Variants in NPAS3 observed in about 807,000 individuals in gnomAD.
NPAS3 encodes neuronal PAS domain protein 3, also known as neuronal PAS domain-containing protein 3.
In NPAS3, 14 loss-of-function variants were observed where a neutral mutation model predicts 73.1. The observed-to-expected ratio is 0.19, with a 90% CI of 0.13 to 0.30. The LOEUF is 0.30. Among genes scored for constraint, NPAS3 ranks in the 10% least tolerant of loss-of-function variants. The probability of loss-of-function intolerance (pLI) is 1.00; values close to 1 mark genes in which losing one functional copy is unlikely to be tolerated. For synonymous variants in NPAS3, 620 were observed against 541.5 expected (o/e 1.14, Z -2.01); for missense variants, 1,096 against 1,250.0 (o/e 0.88, Z 1.86).
chr14:33,297,236 C>T (rs193239599), intron 3 of NPAS3, among the ~76,000 whole-genome samples: 23 of 152,240 alleles, frequency 1.5e-4, no homozygotes, highest in Admixed American at 9.2e-4. Context: ...GCCTCAGTTT[C>T]CTCATCTGTA....
At chr14:33,736,125 T>C (rs992429576) in intron 7 of NPAS3, among the ~76,000 whole-genome samples, 6 of 152,238 alleles carry the variant, frequency 3.9e-5, no homozygotes, top group South Asian at 2.1e-4. Context: ...GGAAATGGCA[T>C]GTGCCATCAA....
chr14:32,987,329 A>G (rs1235912832), intron 1 of NPAS3, among the ~76,000 whole-genome samples: 2 of 151,376 alleles, frequency 1.3e-5, no homozygotes, highest in African/African-American at 2.4e-5. Flanking sequence ...GGTTACAACT[A>G]CAAAAGATGT....
chr14:33,448,196 A>G (rs1566912586), intron 4 of NPAS3, among the ~76,000 whole-genome samples: 1 of 152,348 alleles, frequency 6.6e-6, no homozygotes, highest in East Asian at 1.9e-4. Context: ...GCTTAGAGAT[A>G]CAGATTTGAA....
exon 6 of NPAS3, chr14:33,676,327 T>C (rs2059764976): frequency 1.9e-6 from 3 of 1,609,136 alleles, no homozygotes; most frequent in Non-Finnish European, 2.5e-6. Flanking sequence ...CACAGGGCAC[T>C]GCTGAGGACG....
At chr14:33,531,789 C>T (rs764025010) in intron 4 of NPAS3, among the ~76,000 whole-genome samples, 1 of 152,072 alleles carries the variant, frequency 6.6e-6, no homozygotes, top group Non-Finnish European at 1.5e-5. Context: ...TACCATTTTG[C>T]GTTCCCATCA....
At chr14:33,600,818 G>A (rs1326807118) in intron 5 of NPAS3, among the ~76,000 whole-genome samples, 2 of 152,174 alleles carry the variant, frequency 1.3e-5, no homozygotes, top group Non-Finnish European at 2.9e-5. Flanking sequence ...ATACACTTTA[G>A]AGTTAAACCA....
intron 3 of NPAS3, among the ~76,000 whole-genome samples, chr14:33,301,306 T>TTATATATATA (rs1232866435): frequency 1.1e-4 from 9 of 81,148 alleles, no homozygotes; most frequent in African/African-American, 5.7e-4. Flanking sequence ...GGTTTTATCA[T>TTATATATATA]TATATATATA....
In NPAS3 at chr14:32,946,348, G is replaced by GCACACACACACACA. The variant is rs3057257; in HGVS notation, c.50+7007_50+7020dup. ...CCATCCCCCCAACACACACACACGC[G>GCACACACACACACA]CACACACACACACACACACACACAC... On this transcript the variant is annotated intron_variant, in intron 1 of 11. Coordinates refer to ENST00000356141, the Ensembl canonical transcript of NPAS3. Among the ~76,000 whole-genome samples, 793 of 139,378 alleles carry GCACACACACACACA rather than the reference G, an allele frequency of 5.7e-3. 8 individuals carry two copies. Among genetic ancestry groups the GCACACACACACACA allele is most frequent in the Middle Eastern group, 0.011 (3 of 270 alleles). 91.4% of individuals were successfully genotyped at this position (139,378 alleles called of 152,430 possible). A position where few individuals can be genotyped will look rare whatever the true frequency, so the allele number is the denominator to read the frequency against.
intron 4 of NPAS3, among the ~76,000 whole-genome samples, chr14:33,516,482 G>A (rs1405334654): frequency 6.6e-6 from 1 of 152,116 alleles, no homozygotes; most frequent in Non-Finnish European, 1.5e-5. Flanking sequence ...CTTTCCCCTA[G>A]TACGAGGAAA....
At chr14:33,484,285 A>AT (rs1416261200) in intron 4 of NPAS3, among the ~76,000 whole-genome samples, 2 of 152,142 alleles carry the variant, frequency 1.3e-5, no homozygotes, top group Admixed American at 1.3e-4. Flanking sequence ...AGGAAGCACT[A>AT]TGAGGGTGGG....
intron 4 of NPAS3, among the ~76,000 whole-genome samples, chr14:33,557,894 G>A (rs2055437579): frequency 6.6e-6 from 1 of 152,188 alleles, no homozygotes; most frequent in South Asian, 2.1e-4. Context: ...GTGTGAACCC[G>A]GGAGGCGGAG....
intron 2 of NPAS3, among the ~76,000 whole-genome samples, chr14:33,168,768 C>A (rs1296580424): frequency 6.6e-6 from 1 of 152,138 alleles, no homozygotes; most frequent in African/African-American, 2.4e-5. Context: ...TTCCTTCTGC[C>A]ATTCACGTTG....
At chr14:33,080,193 T>C (rs2041820784) in intron 2 of NPAS3, among the ~76,000 whole-genome samples, 1 of 152,064 alleles carries the variant, frequency 6.6e-6, no homozygotes, top group Non-Finnish European at 1.5e-5. Flanking sequence ...CTGCAATCTC[T>C]GCCTCCGGGG....
chr14:33,638,461 TTAGTTTCCTAATCTGTGAAATGGAGAAAA>T (rs530069093), intron 5 of NPAS3, among the ~76,000 whole-genome samples: 105 of 152,366 alleles, frequency 6.9e-4, no homozygotes, highest in African/African-American at 2.3e-3. Context: ...CTCTCTCTTC[TTAGTTTCCTAATCTGTGAAATGGAGAAAA>T]TAATAACACC....
intron 3 of NPAS3, among the ~76,000 whole-genome samples, chr14:33,263,468 T>C (rs2049049910): frequency 6.6e-6 from 1 of 152,152 alleles, no homozygotes; most frequent in Non-Finnish European, 1.5e-5. Context: ...TGTTCTGTTC[T>C]ATTGGTCTAT....
At chr14:33,199,669 C>T (rs2046536746) in intron 2 of NPAS3, among the ~76,000 whole-genome samples, 2 of 151,894 alleles carry the variant, frequency 1.3e-5, no homozygotes, top group South Asian at 4.2e-4. Flanking sequence ...CCTTCCTCTA[C>T]CTTTCCTTTT....
At chr14:33,501,635 T>TG (rs1365208660) in intron 4 of NPAS3, among the ~76,000 whole-genome samples, 3 of 151,714 alleles carry the variant, frequency 2.0e-5, no homozygotes, top group South Asian at 4.2e-4. Flanking sequence ...GATTTGTTTT[T>TG]TTTTTTTTTA....
At chr14:33,214,060 T>TG (rs2047132889) in intron 2 of NPAS3, 1 of 152,078 alleles carries the variant, frequency 6.6e-6, no homozygotes, top group African/African-American at 2.4e-5. Flanking sequence ...TATTTCATAA[T>TG]GAAAAAAAAG....
chr14:33,778,357 G>A (rs758552224), intron 8 of NPAS3, 109 bp from the exon 9 acceptor site: 16 of 730,640 alleles, frequency 2.2e-5, no homozygotes, highest in South Asian at 3.5e-5. Flanking sequence ...ACCTCCTCAC[G>A]GGTACAGTAG....
Sources: gnomAD v4.1 joint callset for allele counts (sites outside exome capture counted in the v4.1 genomes callset) on GRCh38, gnomAD v4.1.1 for gene constraint, MANE v1.5 for transcripts, NCBI Gene and HGNC (gene_info 2026-07-23, HGNC 2026-07-21) for gene names.